Variants in DMRT1 observed in about 807,000 individuals in gnomAD.
DMRT1 encodes doublesex and mab-3 related transcription factor 1, also known as doublesex- and mab-3-related transcription factor 1.
Under a neutral mutation model 32.3 loss-of-function variants are expected in DMRT1, and 7 were observed. That is an observed-to-expected ratio of 0.22 (90% CI 0.12 to 0.41). The LOEUF (loss-of-function observed/expected upper bound fraction) is 0.41, where lower values mean the gene tolerates loss of function less well. Among genes scored for constraint, DMRT1 ranks in the 10% least tolerant of loss-of-function variants. The pLI is 1.00. For missense variants in DMRT1, 625 were observed against 500.5 expected, an observed-to-expected ratio of 1.25 and a Z score of -2.37; for synonymous variants, 278 against 206.1, an observed-to-expected ratio of 1.35 and a Z score of -2.99.
chr9:913,599 T>A (rs1035016645), intron 3 of DMRT1, among the ~76,000 whole-genome samples: 1 of 100,234 alleles, frequency 1.0e-5, no homozygotes, highest in African/African-American at 6.7e-5. Flanking sequence ...AACTGGTAAT[T>A]TTTTTTTTTT....
intron 2 of DMRT1, among the ~76,000 whole-genome samples, chr9:874,376 T>G (rs948373086): frequency 6.6e-6 from 1 of 152,246 alleles, no homozygotes; most frequent in African/African-American, 2.4e-5. Context: ...TTTTTGTATC[T>G]AGATCTAGTT....
intron 3 of DMRT1, among the ~76,000 whole-genome samples, chr9:903,887 A>G (rs1396167938): frequency 6.6e-6 from 1 of 152,166 alleles, no homozygotes; most frequent in Non-Finnish European, 1.5e-5. Context: ...AGGAAGCCAG[A>G]TAGAGTGAAA....
intron 2 of DMRT1, among the ~76,000 whole-genome samples, chr9:878,200 G>GCACCCCC (rs1816584290): frequency 1.1e-5 from 1 of 94,040 alleles, no homozygotes; most frequent in African/African-American, 4.3e-5. Context: ...TGCAGCTGCT[G>GCACCCCC]CCCCCCCCCC....
chr9:878,892 C>T (rs1816619662), intron 2 of DMRT1, among the ~76,000 whole-genome samples: 1 of 152,214 alleles, frequency 6.6e-6, no homozygotes, highest in Non-Finnish European at 1.5e-5. Context: ...TATAACTTGC[C>T]CCATGATTGC....
intron 2 of DMRT1, among the ~76,000 whole-genome samples, chr9:890,528 T>A (rs1261004833): frequency 6.6e-6 from 1 of 152,100 alleles, no homozygotes; most frequent in East Asian, 1.9e-4. Flanking sequence ...TTGTTGTAGA[T>A]CTCAGCCAGA....
Position 965,777 on chromosome 9 carries a change from G to A in DMRT1, c.968-2208G>A, listed in dbSNP as rs540559870. 1.9e-3 allele frequency among the ~76,000 whole-genome samples: 293 copies of A among 152,296 alleles called. No homozygotes were observed. Among genetic ancestry groups the A allele is most frequent in the Non-Finnish European group, 3.2e-3 (218 of 68,028 alleles). ...TTCAGCTGCCAGTTCTGAAATGTGGGGCCCAGGAGAAGGTTGGTGCAGGGG... is the reference window on the plus strand; with the variant it reads ...TTCAGCTGCCAGTTCTGAAATGTGGAGCCCAGGAGAAGGTTGGTGCAGGGG... On this transcript the variant is annotated intron_variant, in intron 4 of 4. Transcript: ENST00000382276. The surrounding 1 kb of genome is among the most constrained non-coding windows in gnomAD (Gnocchi z 4.5).
chr9:881,843 TTG>T (rs1816746701), intron 2 of DMRT1, among the ~76,000 whole-genome samples: 2 of 152,230 alleles, frequency 1.3e-5, no homozygotes, highest in African/African-American at 4.8e-5. Context: ...ATTGGCCTGT[TTG>T]TGGCACAACC....
chr9:887,032 A>G (rs1816957342), intron 2 of DMRT1, among the ~76,000 whole-genome samples: 1 of 152,182 alleles, frequency 6.6e-6, no homozygotes, highest in Non-Finnish European at 1.5e-5. Context: ...GATATTAACA[A>G]TGTAATTTAT....
At chr9:871,570 T>C (rs1421639546) in intron 2 of DMRT1, among the ~76,000 whole-genome samples, 1 of 142,616 alleles carries the variant, frequency 7.0e-6, no homozygotes, top group East Asian at 2.0e-4. Context: ...CTCGATCTCC[T>C]GACCTCGTGA....
chr9:926,531 G>C (rs1400022167), intron 4 of DMRT1, among the ~76,000 whole-genome samples: 1 of 152,214 alleles, frequency 6.6e-6, no homozygotes, highest in Non-Finnish European at 1.5e-5. Context: ...TTTTGAGGAA[G>C]ATGTTATTTA....
At chr9:923,693 C>T (rs72701020) in intron 4 of DMRT1, among the ~76,000 whole-genome samples, 2,323 of 152,198 alleles carry the variant, frequency 0.015, 40 homozygotes, top group Non-Finnish European at 0.023. Context: ...CAGAGGGCTG[C>T]GTTTGTTATG....
chr9:955,534 G>A (rs894453512), intron 4 of DMRT1, among the ~76,000 whole-genome samples: 7 of 152,092 alleles, frequency 4.6e-5, no homozygotes, highest in African/African-American at 1.4e-4. Context: ...GCGAAACCCT[G>A]CCTCTACTAA....
At chr9:880,210 G>T (rs1042517616) in intron 2 of DMRT1, among the ~76,000 whole-genome samples, 1 of 152,078 alleles carries the variant, frequency 6.6e-6, no homozygotes, top group Non-Finnish European at 1.5e-5. Flanking sequence ...TTCAACAGTT[G>T]CACAAATGTC....
At chr9:919,499 A>G (rs1205535000) in intron 4 of DMRT1, among the ~76,000 whole-genome samples, 2 of 152,204 alleles carry the variant, frequency 1.3e-5, no homozygotes, top group Non-Finnish European at 1.5e-5. Context: ...GTAAAAGGAT[A>G]GGAGCCATTC....
chr9:842,526 G>A (rs1838731957), intron 1 of DMRT1, among the ~76,000 whole-genome samples: 1 of 147,682 alleles, frequency 6.8e-6, no homozygotes, highest in South Asian at 2.4e-4. Flanking sequence ...GTGGGCCACC[G>A]CTCCCGGCGG....
chr9:853,705 A>G (rs1365551866), intron 2 of DMRT1, among the ~76,000 whole-genome samples: 1 of 152,050 alleles, frequency 6.6e-6, no homozygotes, highest in Non-Finnish European at 1.5e-5. Flanking sequence ...GGGTTTCACC[A>G]TGTTGGCCAG....
chr9:849,830 T>TCTC (rs144028617), intron 2 of DMRT1, among the ~76,000 whole-genome samples: 34,975 of 142,848 alleles, frequency 0.24, 4,120 homozygotes, highest in Middle Eastern at 0.33. Context: ...TCTCTCTCTC[T>TCTC]TTTTTTTTTT....
At chr9:846,878 G>A (rs1589441931) in intron 1 of DMRT1, 82 bp from the exon 2 acceptor site, 2 of 1,534,278 alleles carry the variant, frequency 1.3e-6, no homozygotes, top group Admixed American at 1.7e-5. Context: ...GAATCATGGT[G>A]TCTGGGATGG....
At chr9:952,894 T>C (rs570997787) in intron 4 of DMRT1, among the ~76,000 whole-genome samples, 1 of 152,284 alleles carries the variant, frequency 6.6e-6, no homozygotes, top group Admixed American at 6.5e-5. Context: ...TTAGGCAGAG[T>C]CAGTGAAATT....
Sources: gnomAD v4.1 joint callset for allele counts (sites outside exome capture counted in the v4.1 genomes callset) on GRCh38, gnomAD v4.1.1 for gene constraint, Gnocchi (gnomAD v3.1) non-coding constraint, MANE v1.5 for transcripts, NCBI Gene and HGNC (gene_info 2026-07-23, HGNC 2026-07-21) for gene names.